The following MORN4 variants were observed in gnomAD, a reference collection of about 807,000 sequenced individuals.
The protein encoded by MORN4 is MORN repeat containing 4, also known as MORN repeat-containing protein 4.
In MORN4, 8 loss-of-function variants were observed where a neutral mutation model predicts 16.4. The ratio of observed to expected loss-of-function variants is 0.49; its 90% confidence interval spans 0.29 to 0.88. The LOEUF is 0.88. Among genes scored for constraint, MORN4 ranks in the 40% least tolerant of loss-of-function variants. The pLI is 0.09. For synonymous variants in MORN4, 53 were observed against 68.9 expected (o/e 0.77, Z 1.14); for missense variants, 159 against 182.9 (o/e 0.87, Z 0.75).
rs963430784 is a variant in MORN4 at position 97,614,726 on chromosome 10, G to T, written c.*1537C>A. On this transcript the variant is annotated 3_prime_UTR_variant, in exon 5 of 5. Transcript: ENST00000307450. ...GGACGTATTTGGGTACCAGGGTAAC[G>T]GGAGGCCTACGTAATAAACTGCAGA... 2.0e-5 allele frequency: 3 copies of T among 152,542 alleles called. No homozygotes were observed. The highest frequency in any genetic ancestry group is 4.4e-5 in the Non-Finnish European group (3 of 68,038). 9.4% of individuals were successfully genotyped at this position (152,542 alleles called of 1,614,324 possible).
Position 97,633,359 on chromosome 10 carries a change from T to C in MORN4, c.-43A>G, listed in dbSNP as rs1237962627. ...GCCTCCAGCCAACCTGGGGCCGGCC[T>C]TTCGGGATGACCGTCACGCCTGGAC... On this transcript the variant is annotated 5_prime_UTR_variant, in exon 1 of 5. Coordinates refer to ENST00000307450, the MANE Select transcript of MORN4 (RefSeq NM_178832.4). This position sits in a 1 kb window ranked among gnomAD's most constrained non-coding sequence, Gnocchi z 4.5. The C allele has an allele frequency of 7.8e-7, 1 of 1,289,806 alleles. No homozygotes were observed. The highest frequency in any genetic ancestry group is 5.5e-5 in the East Asian group (1 of 18,028). The allele number at this position is 1,289,806 out of a possible 1,614,324, so 79.9% of individuals were successfully genotyped here.
chr10:97,620,375 C>T (rs961045562), intron 1 of MORN4, among the ~76,000 whole-genome samples: 1 of 150,280 alleles, frequency 6.7e-6, no homozygotes, highest in South Asian at 2.1e-4. Flanking sequence ...GTAATCCTAG[C>T]TACTTGGGAG....
intron 1 of MORN4, among the ~76,000 whole-genome samples, chr10:97,622,899 T>TTTA (rs2041315899): frequency 1.4e-5 from 1 of 71,040 alleles, no homozygotes; most frequent in African/African-American, 8.3e-5. Flanking sequence ...TTATTTATTT[T>TTTA]TTAGAGACAG....
At chr10:97,622,855 T>TTTTATTTATTTA (rs1437178308) in intron 1 of MORN4, among the ~76,000 whole-genome samples, 3 of 110,624 alleles carry the variant, frequency 2.7e-5, no homozygotes. Flanking sequence ...TCCCTTCATC[T>TTTTATTTATTTA]TTCATTTATT....
intron 1 of MORN4, among the ~76,000 whole-genome samples, chr10:97,620,511 AAAAAAAAG>A (rs1210440659): frequency 1.4e-5 from 2 of 138,422 alleles, no homozygotes; most frequent in African/African-American, 6.8e-5. Context: ...AAAAAAAGAA[AAAAAAAAG>A]AAAATATGGG....
chr10:97,633,681 G>C, upstream of MORN4: 2 of 1,237,718 alleles, frequency 1.6e-6, no homozygotes, highest in African/African-American at 1.5e-5. The surrounding 1 kb of genome is among the most constrained non-coding windows in gnomAD (Gnocchi z 4.5). Context: ...AGAGGATCCA[G>C]ATCTGGCCTA....
chr10:97,629,555 T>C (rs1472309686), intron 1 of MORN4, among the ~76,000 whole-genome samples: 2 of 152,106 alleles, frequency 1.3e-5, no homozygotes, highest in African/African-American at 2.4e-5. Context: ...ATATTGGTGT[T>C]CCAGTTGGCT....
chr10:97,626,422 C>A (rs1291220067), intron 1 of MORN4, among the ~76,000 whole-genome samples: 42 of 142,046 alleles, frequency 3.0e-4, no homozygotes, highest in African/African-American at 1.1e-3. Context: ...TAATCATAAT[C>A]ATAATCATAA....
chr10:97,616,566 C>T, intron 4 of MORN4, 112 bp downstream of exon 4: 2 of 1,225,306 alleles, frequency 1.6e-6, no homozygotes, highest in South Asian at 1.4e-5. Context: ...GGATAGGTGT[C>T]AGGGACGGCC....
At chr10:97,628,826 C>T (rs180732669) in intron 1 of MORN4, among the ~76,000 whole-genome samples, 7 of 152,300 alleles carry the variant, frequency 4.6e-5, no homozygotes, top group Non-Finnish European at 1.0e-4. Flanking sequence ...GCCACCACGC[C>T]CAGCCCCTAA....
At chr10:97,626,862 A>T (rs1325707641) in intron 1 of MORN4, among the ~76,000 whole-genome samples, 1 of 149,000 alleles carries the variant, frequency 6.7e-6, no homozygotes, top group African/African-American at 2.5e-5. Flanking sequence ...GGTTCAAGCG[A>T]TTCTCTTGCC....
At chr10:97,628,583 A>T (rs1203390096) in intron 1 of MORN4, among the ~76,000 whole-genome samples, 4 of 150,198 alleles carry the variant, frequency 2.7e-5, no homozygotes, top group Non-Finnish European at 1.5e-5. Context: ...ACACAGGCTG[A>T]AGTCTAATGG....
chr10:97,621,844 G>A (rs552186042), intron 1 of MORN4, among the ~76,000 whole-genome samples: 490 of 151,980 alleles, frequency 3.2e-3, no homozygotes, highest in Non-Finnish European at 5.7e-3. Flanking sequence ...CAGCCTGGGC[G>A]ACAGAGTGAG....
At chr10:97,631,738 A>T (rs1005590942) in intron 1 of MORN4, among the ~76,000 whole-genome samples, 1 of 152,030 alleles carries the variant, frequency 6.6e-6, no homozygotes, top group Non-Finnish European at 1.5e-5. Flanking sequence ...GTTCAATACC[A>T]AGCTGGGAAA....
rs1480161701 is a variant in MORN4 at position 97,633,306 on chromosome 10, C to T, written c.-31+41G>A. On this transcript the variant is annotated intron_variant, in intron 1 of 4. Coordinates refer to ENST00000307450, the MANE Select transcript of MORN4 (RefSeq NM_178832.4). The surrounding 1 kb of genome is among the most constrained non-coding windows in gnomAD (Gnocchi z 4.5). ...TCCTCAGTGCCCACCTGACCGATCA[C>T]ACTCTTTCCCGGCCCCCTCCCTCCT... The T allele has an allele frequency of 7.8e-6, 10 of 1,286,970 alleles. No homozygotes were observed. Among genetic ancestry groups the T allele is most frequent in the Admixed American group, 2.3e-5 (1 of 43,494 alleles). The allele number at this position is 1,286,970 out of a possible 1,614,324, so 79.7% of individuals were successfully genotyped here. A position where few individuals can be genotyped will look rare whatever the true frequency, so the allele number is the denominator to read the frequency against.
rs1035040506 is a variant in MORN4 at position 97,633,047 on chromosome 10, T to C, written c.-31+300A>G. 2.0e-5 allele frequency among the ~76,000 whole-genome samples: 3 copies of C among 152,146 alleles called. No homozygotes were observed. The highest frequency in any genetic ancestry group is 6.5e-5 in the Admixed American group (1 of 15,280). On this transcript the variant is annotated intron_variant, in intron 1 of 4. Transcript: ENST00000307450. The surrounding 1 kb of genome is among the most constrained non-coding windows in gnomAD (Gnocchi z 4.5). The stretch of plus-strand genomic sequence containing the variant: ...CTTCCAGGCGCGTTCCTTCCTGCTA[T>C]CCGGGCCCGCTCTCCCGCCCGGCAG...
At chr10:97,624,487 G>T (rs537511666) in intron 1 of MORN4, among the ~76,000 whole-genome samples, 52 of 152,274 alleles carry the variant, frequency 3.4e-4, no homozygotes, top group African/African-American at 1.2e-3. Flanking sequence ...ATTGTGATTA[G>T]AGCTCACTGC....
intron 1 of MORN4, among the ~76,000 whole-genome samples, chr10:97,622,409 T>C (rs2041305956): frequency 6.6e-6 from 1 of 152,052 alleles, no homozygotes. Context: ...AGAAGGGAAC[T>C]GCACGGTGGC....
chr10:97,616,620 A>G (rs770969416), intron 4 of MORN4, 58 bp downstream of exon 4: 13 of 1,413,570 alleles, frequency 9.2e-6, no homozygotes, highest in Non-Finnish European at 5.0e-6. Context: ...CTAAACAGGT[A>G]TATTTCCACC....
Sources: gnomAD v4.1 joint callset for allele counts (sites outside exome capture counted in the v4.1 genomes callset) on GRCh38, gnomAD v4.1.1 for gene constraint, Gnocchi (gnomAD v3.1) non-coding constraint, MANE v1.5 for transcripts, NCBI Gene and HGNC (gene_info 2026-07-23, HGNC 2026-07-21) for gene names.